PPM1L: variants seen among roughly 807,000 people sequenced by gnomAD.
PPM1L encodes protein phosphatase, Mg2+/Mn2+ dependent 1L, also known as protein phosphatase 1L.
Under a neutral mutation model 31.4 loss-of-function variants are expected in PPM1L, and 13 were observed. The ratio of observed to expected loss-of-function variants is 0.41; its 90% CI spans 0.27 to 0.66. The LOEUF is 0.66. PPM1L is among the 30% of genes least tolerant of loss of function. PPM1L has a pLI of 0.29. For missense variants in PPM1L, 326 were observed against 453.7 expected (o/e 0.72, Z 2.56); for synonymous variants, 184 against 175.4 (o/e 1.05, Z -0.39).
chr3:160,774,204 C>G (rs78853150), intron 1 of PPM1L, among the ~76,000 whole-genome samples: 4,091 of 152,248 alleles, frequency 0.027, 191 homozygotes, highest in African/African-American at 0.094. Flanking sequence ...TTCTCTCAGT[C>G]CGCCACTCCT....
At chr3:160,916,485 A>G (rs1422219952) in intron 1 of PPM1L, among the ~76,000 whole-genome samples, 1 of 152,182 alleles carries the variant, frequency 6.6e-6, no homozygotes, top group Non-Finnish European at 1.5e-5. Context: ...AATGTAACAC[A>G]TCTGCTATGA....
intron 2 of PPM1L, among the ~76,000 whole-genome samples, chr3:161,013,147 T>C (rs912533395): frequency 4.6e-5 from 7 of 152,244 alleles, no homozygotes; most frequent in African/African-American, 1.7e-4. Context: ...TCCTGCTTTC[T>C]CTTGTGGGCA....
intron 1 of PPM1L, among the ~76,000 whole-genome samples, chr3:160,918,888 G>A (rs969053698): frequency 1.3e-5 from 2 of 152,028 alleles, no homozygotes; most frequent in Admixed American, 1.3e-4. Context: ...ATAACATTAG[G>A]CAATAACATT....
At chr3:160,884,013 C>G (rs924985734) in intron 1 of PPM1L, among the ~76,000 whole-genome samples, 8 of 151,710 alleles carry the variant, frequency 5.3e-5, no homozygotes, top group Non-Finnish European at 1.0e-4. Flanking sequence ...GAGACTGCCA[C>G]GAGCTGTGAT....
intron 1 of PPM1L, among the ~76,000 whole-genome samples, chr3:160,804,122 C>T (rs557056773): frequency 1.1e-4 from 17 of 151,184 alleles, no homozygotes; most frequent in African/African-American, 3.9e-4. Context: ...TTAGTAGAGA[C>T]GGGGTTTCAC....
intron 1 of PPM1L, among the ~76,000 whole-genome samples, chr3:160,889,391 A>G (rs1482601049): frequency 6.6e-6 from 1 of 152,254 alleles, no homozygotes; most frequent in African/African-American, 2.4e-5. Flanking sequence ...AATAAACTAG[A>G]AAATCTAGAA....
intron 2 of PPM1L, among the ~76,000 whole-genome samples, chr3:161,047,226 G>C (rs925409851): frequency 4.6e-5 from 7 of 152,106 alleles, no homozygotes; most frequent in Non-Finnish European, 1.0e-4. Context: ...TAAGCTCATA[G>C]GCAACTTCAG....
chr3:160,767,729 A>G (rs1715142111), intron 1 of PPM1L, among the ~76,000 whole-genome samples: 1 of 152,208 alleles, frequency 6.6e-6, no homozygotes, highest in Non-Finnish European at 1.5e-5. Flanking sequence ...TTGTATTTTT[A>G]AGAAGAGGGT....
At chr3:160,993,528 G>A (rs865871604) in intron 2 of PPM1L, among the ~76,000 whole-genome samples, 13 of 152,124 alleles carry the variant, frequency 8.5e-5, no homozygotes, top group Admixed American at 5.2e-4. Context: ...GGAAAACATT[G>A]TTCTGGTGAT....
At position 161,069,403 on chromosome 3, in the gene PPM1L, TAAGTAAATAGCTGTAGAGTCAC is replaced by T. The variant is rs1719842768; in HGVS notation, c.*248_*269del. 1.2e-4 allele frequency: 62 copies of T among 518,862 alleles called. No individual in the cohort carries two copies. In the East Asian group the frequency reaches 2.0e-3, roughly 17 times the overall value. The allele number at this position is 518,862 out of a possible 1,614,324, so 32.1% of individuals were successfully genotyped here. A position where few individuals can be genotyped will look rare whatever the true frequency, so the allele number is the denominator to read the frequency against. ...TCTTTCATCCAGTGTCCAAAATATA[TAAGTAAATAGCTGTAGAGTCAC>T]ATATATGAAGTGAATAGCATATGTG... On this transcript the variant is annotated 3_prime_UTR_variant, in exon 4 of 4. Coordinates refer to ENST00000498165, the MANE Select transcript of PPM1L (RefSeq NM_139245.4).
intron 2 of PPM1L, among the ~76,000 whole-genome samples, chr3:161,021,923 T>C (rs1718245605): frequency 1.3e-5 from 2 of 152,094 alleles, no homozygotes; most frequent in African/African-American, 4.8e-5. Context: ...AGAAAGCACA[T>C]AGTTGGATAA....
intron 1 of PPM1L, among the ~76,000 whole-genome samples, chr3:160,778,770 A>G (rs1576633219): frequency 6.6e-6 from 1 of 152,230 alleles, no homozygotes; most frequent in East Asian, 1.9e-4. Context: ...GCTACTAAGT[A>G]TCCTACAGAA....
intron 1 of PPM1L, among the ~76,000 whole-genome samples, chr3:160,861,555 C>G (rs1229056203): frequency 6.6e-6 from 1 of 152,072 alleles, no homozygotes; most frequent in Admixed American, 6.6e-5. Context: ...CTCTGAGATG[C>G]CTTTGAGATT....
intron 1 of PPM1L, among the ~76,000 whole-genome samples, chr3:160,950,554 G>A (rs1160985284): frequency 3.9e-5 from 6 of 152,110 alleles, no homozygotes; most frequent in Admixed American, 1.3e-4. Context: ...ACTGGCATTC[G>A]TCTGGAGCTT....
chr3:160,942,455 G>A (rs1003908822), intron 1 of PPM1L, among the ~76,000 whole-genome samples: 2 of 152,138 alleles, frequency 1.3e-5, no homozygotes, highest in Non-Finnish European at 2.9e-5. Context: ...AAAAAGATAC[G>A]TGTTATTAAA....
rs760907219 is a variant in PPM1L at position 161,031,502 on chromosome 3, C to CTTTTTTTTTTTTTTTTTTTT, written c.575-33885_575-33884insTTTTTTTTTTTTTTTTTTTT. On this transcript the variant is annotated intron_variant, in intron 2 of 3. Transcript: ENST00000498165. ...GTGAATGGCAGCTATGTATTCTGTCCTTTTTTTTTTTTTTTTGAGAGAGAG... is the reference window on the plus strand; with the variant it reads ...GTGAATGGCAGCTATGTATTCTGTCCTTTTTTTTTTTTTTTTTTTTTTTTTTTTTTTTTTTTGAGAGAGAG... Among the ~76,000 whole-genome samples the CTTTTTTTTTTTTTTTTTTTT allele has an allele frequency of 6.6e-4, 67 of 101,642 alleles. 11 individuals carry two copies. The highest frequency in any genetic ancestry group is 1.3e-3 in the East Asian group (3 of 2,390). The allele number at this position is 101,642 out of a possible 152,430, so 66.7% of individuals were successfully genotyped here. A position where few individuals can be genotyped will look rare whatever the true frequency, so the allele number is the denominator to read the frequency against.
intron 2 of PPM1L, among the ~76,000 whole-genome samples, chr3:160,964,040 A>T (rs960274353): frequency 1.8e-4 from 27 of 152,152 alleles, no homozygotes; most frequent in African/African-American, 6.3e-4. Flanking sequence ...CATGATAATA[A>T]TAAAATATTA....
chr3:160,978,634 A>T (rs1010766572), intron 2 of PPM1L, among the ~76,000 whole-genome samples: 1 of 152,132 alleles, frequency 6.6e-6, no homozygotes, highest in Non-Finnish European at 1.5e-5. Flanking sequence ...GTTCAAGATC[A>T]GCCTGGGTAA....
At chr3:160,764,839 T>C (rs1438814878) in intron 1 of PPM1L, among the ~76,000 whole-genome samples, 1 of 152,196 alleles carries the variant, frequency 6.6e-6, no homozygotes, top group Non-Finnish European at 1.5e-5. Flanking sequence ...TGAGTAGATA[T>C]TTGAGAAATT....
Sources: gnomAD v4.1 joint callset for allele counts (sites outside exome capture counted in the v4.1 genomes callset) on GRCh38, gnomAD v4.1.1 for gene constraint, MANE v1.5 for transcripts, NCBI Gene and HGNC (gene_info 2026-07-23, HGNC 2026-07-21) for gene names.